CGAS: variants seen among roughly 807,000 people sequenced by gnomAD.
The protein encoded by CGAS is cyclic GMP-AMP synthase.
Under a neutral mutation model 34.0 loss-of-function variants are expected in CGAS, and 31 were observed. That is an observed-to-expected ratio of 0.91 (90% CI 0.69 to 1.23). The LOEUF is 1.23. Ranked by LOEUF, CGAS falls within the 50% of genes most tolerant of loss-of-function variation. The probability of loss-of-function intolerance (pLI) is 0.00; values close to 1 mark genes in which losing one functional copy is unlikely to be tolerated. For missense variants in CGAS, 597 were observed against 657.6 expected, an observed-to-expected ratio of 0.91 and a Z score of 1.01; for synonymous variants, 266 against 260.0, an observed-to-expected ratio of 1.02 and a Z score of -0.22.
chr6:73,437,605 A>G (rs920051820), intron 3 of CGAS, among the ~76,000 whole-genome samples: 1 of 152,162 alleles, frequency 6.6e-6, no homozygotes, highest in Non-Finnish European at 1.5e-5. Flanking sequence ...CGCCTGGCTG[A>G]ACATTTTTTT....
At chr6:73,434,965 A>AGGG (rs1255233654) in intron 3 of CGAS, among the ~76,000 whole-genome samples, 2 of 152,134 alleles carry the variant, frequency 1.3e-5, no homozygotes, top group Non-Finnish European at 2.9e-5. Flanking sequence ...CCCTTAGCTA[A>AGGG]CAATAATATA....
Position 73,428,603 on chromosome 6 carries a change from C to T in CGAS, c.1217+106G>A, listed in dbSNP as rs1179943651. 8.3e-6 allele frequency: 8 copies of T among 959,978 alleles called. No homozygotes were observed. In the East Asian group the frequency reaches 1.8e-4, roughly 22 times the overall value. 59.5% of individuals were successfully genotyped at this position (959,978 alleles called of 1,614,324 possible). The stretch of plus-strand genomic sequence containing the variant: ...CCCAGCTCAACCCAATCCTGCCCTG[C>T]CCCCCAGACCCAACCCAGCTCAGCT... On this transcript the variant is annotated intron_variant, in intron 4 of 4. Transcript: ENST00000370315.
chr6:73,449,764 G>A (rs879923946), intron 1 of CGAS, among the ~76,000 whole-genome samples: 5 of 151,942 alleles, frequency 3.3e-5, no homozygotes, highest in Non-Finnish European at 7.4e-5. Context: ...GGGAGGCCGA[G>A]GCAGGTGGAT....
chr6:73,436,309 T>C (rs1050798596), intron 3 of CGAS, among the ~76,000 whole-genome samples: 2 of 151,358 alleles, frequency 1.3e-5, no homozygotes, highest in African/African-American at 4.8e-5. Flanking sequence ...CTATACTTTA[T>C]CCAGATTTCC....
chr6:73,436,760 T>G (rs1439387147), intron 3 of CGAS, among the ~76,000 whole-genome samples: 2 of 150,746 alleles, frequency 1.3e-5, no homozygotes, highest in African/African-American at 4.9e-5. Context: ...TGAGCTCAAA[T>G]GATCCACCCA....
At chr6:73,448,489 T>C (rs1179670463) in intron 1 of CGAS, among the ~76,000 whole-genome samples, 1 of 152,168 alleles carries the variant, frequency 6.6e-6, no homozygotes, top group East Asian at 1.9e-4. Flanking sequence ...ACTATATAAA[T>C]AGTAAAGTAC....
intron 2 of CGAS, among the ~76,000 whole-genome samples, chr6:73,442,706 C>G (rs540311773): frequency 6.9e-6 from 1 of 145,742 alleles, no homozygotes. Flanking sequence ...TCAAGCAATT[C>G]TTTTGCCTCA....
At chr6:73,446,029 TATAATTAA>T (rs1770462969) in intron 1 of CGAS, among the ~76,000 whole-genome samples, 1 of 152,162 alleles carries the variant, frequency 6.6e-6, no homozygotes, top group African/African-American at 2.4e-5. Flanking sequence ...GGCTCACACC[TATAATTAA>T]ATTTTGTGGG....
At chr6:73,445,498 C>T in intron 2 of CGAS, 30 bp downstream of exon 2, 1 of 1,505,078 alleles carries the variant, frequency 6.6e-7, no homozygotes, top group African/African-American at 1.4e-5. Context: ...TATAATTAAA[C>T]CTTTAAGAAT....
intron 4 of CGAS, among the ~76,000 whole-genome samples, chr6:73,425,910 G>A (rs1341796319): frequency 6.6e-6 from 1 of 152,138 alleles, no homozygotes; most frequent in Non-Finnish European, 1.5e-5. Context: ...GGAGGCGGAG[G>A]TTGCAGTGAG....
chr6:73,434,179 C>T (rs776916069), intron 3 of CGAS, among the ~76,000 whole-genome samples: 6 of 152,204 alleles, frequency 3.9e-5, no homozygotes, highest in Non-Finnish European at 5.9e-5. Flanking sequence ...GGTTGGCCCT[C>T]TGTATCTGAG....
rs375721618 is a variant in CGAS, at chr6:73,429,706, A to G, written c.1115-895T>C. On this transcript the variant is annotated intron_variant, in intron 3 of 4. Transcript: ENST00000370315. Reference sequence around the variant, plus strand: ...CCGGGCGTGGTGGCGGGCGCCTGTAATCCCAGCTACTTGGGAGGCTGAGGC... The same window carrying G: ...CCGGGCGTGGTGGCGGGCGCCTGTAGTCCCAGCTACTTGGGAGGCTGAGGC... Among the ~76,000 whole-genome samples the G allele has an allele frequency of 1.2e-3, 178 of 152,034 alleles. 1 individual carries two copies. In the South Asian group the frequency reaches 0.015, roughly 13 times the overall value.
chr6:73,431,731 C>A (rs1257313411), intron 3 of CGAS, among the ~76,000 whole-genome samples: 1 of 152,166 alleles, frequency 6.6e-6, no homozygotes, highest in Non-Finnish European at 1.5e-5. Flanking sequence ...TTATTTGAAT[C>A]CTGATCCAAA....
rs554705366 is a variant in CGAS, at chr6:73,424,104, G to T, written c.*1123C>A. Reference sequence around the variant, plus strand: ...TAAGTTAGGTTTTACATTTAGTCACGTATATTAAAATAAAGTATCTTATGT... The same window carrying T: ...TAAGTTAGGTTTTACATTTAGTCACTTATATTAAAATAAAGTATCTTATGT... On this transcript the variant is annotated 3_prime_UTR_variant, in exon 5 of 5. Coordinates refer to ENST00000370315, the MANE Select transcript of CGAS (RefSeq NM_138441.3). 4 of 152,116 alleles carry T rather than the reference G, an allele frequency of 2.6e-5. No individual in the cohort carries two copies. Among genetic ancestry groups the T allele is most frequent in the Non-Finnish European group, 5.9e-5 (4 of 68,048 alleles). The allele number at this position is 152,116 out of a possible 1,614,324, so 9.4% of individuals were successfully genotyped here.
chr6:73,434,738 C>T (rs1240815207), intron 3 of CGAS, among the ~76,000 whole-genome samples: 1 of 151,944 alleles, frequency 6.6e-6, no homozygotes, highest in African/African-American at 2.4e-5. Flanking sequence ...ACTCCACCCA[C>T]CAAGTTCAAG....
chr6:73,439,416 G>A lies in CGAS; in HGVS notation c.1114+793C>T, dbSNP rs151122802. On this transcript the variant is annotated intron_variant, in intron 3 of 4. Transcript: ENST00000370315. ...GAATCGCTTTAACCCGGGAGGCAGA[G>A]GTTGCAGCAAGCTGAGATTGTGCCA... Among the ~76,000 whole-genome samples the A allele has an allele frequency of 7.3e-5, 11 of 151,140 alleles. No individual in the cohort carries two copies. In the East Asian group the frequency reaches 1.5e-3, roughly 21 times the overall value.
In CGAS at chr6:73,436,181, G is replaced by A. The variant is rs368328972; in HGVS notation, c.1114+4028C>T. 2.0e-5 allele frequency among the ~76,000 whole-genome samples: 3 copies of A among 151,920 alleles called. No homozygotes were observed. In the East Asian group the frequency reaches 5.8e-4, roughly 29 times the overall value. On this transcript the variant is annotated intron_variant, in intron 3 of 4. Transcript: ENST00000370315. ...CTGCCTCAGCCTCCCGAAGGCTGAG[G>A]AAACTAGGACTATAAGCACATGCCA...
chr6:73,429,463 G>A (rs1770146599), intron 3 of CGAS, among the ~76,000 whole-genome samples: 1 of 151,944 alleles, frequency 6.6e-6, no homozygotes, highest in South Asian at 2.1e-4. Flanking sequence ...ATCCTTACAG[G>A]TTTTATATTA....
In CGAS at chr6:73,451,572, T is replaced by C. The variant is rs1353936037; in HGVS notation, c.610A>G (p.Arg204Gly). The stretch of plus-strand genomic sequence containing the variant: ...CCGGTGTTCAGCAGCCCGACGCCTC[T>C]GAACGCGGAGTCGCACTTCAGTCTG... The part of the protein sequence containing the change: ...LLRLKCDSAF[R>G]GVGLLNTGSY... Residue 204 changes from arginine (R) to glycine (G), a missense_variant, in exon 1 of 5, where the codon AGA becomes GGA. Physicochemically the swap from Arg to Gly is moderately radical, Grantham distance 125. This residue lies in a region of CGAS where 321 missense variants were observed against 314.3 expected (regional missense o/e 1.02). Transcript: ENST00000370315. 5.0e-6 allele frequency: 8 copies of C among 1,610,566 alleles called. No homozygotes were observed. The highest frequency in any genetic ancestry group is 6.8e-6 in the Non-Finnish European group (8 of 1,178,640).
Sources: gnomAD v4.1 joint callset for allele counts (sites outside exome capture counted in the v4.1 genomes callset) on GRCh38, gnomAD v4.1.1 for gene constraint, gnomAD v4.1.1 regional missense constraint, MANE v1.5 for transcripts, NCBI Gene and HGNC (gene_info 2026-07-23, HGNC 2026-07-21) for gene names.